The following FBXO9 variants were observed in gnomAD, a reference collection of about 807,000 sequenced individuals.
FBXO9 encodes F-box only protein 9.
Under a neutral mutation model 63.7 loss-of-function variants are expected in FBXO9, and 43 were observed. That is an observed-to-expected ratio of 0.67 (90% CI 0.53 to 0.87). The LOEUF is 0.87. Ranked by LOEUF, FBXO9 falls within the 40% of genes least tolerant of loss-of-function variation. The probability of loss-of-function intolerance (pLI) is 0.00; values close to 1 mark genes in which losing one functional copy is unlikely to be tolerated. For synonymous variants in FBXO9, 156 were observed against 171.7 expected (o/e 0.91, Z 0.72); for missense variants, 442 against 533.2 (o/e 0.83, Z 1.68).
intron 3 of FBXO9, among the ~76,000 whole-genome samples, chr6:53,075,166 C>A (rs9463862): frequency 6.6e-6 from 1 of 151,594 alleles, no homozygotes; most frequent in Non-Finnish European, 1.5e-5. Context: ...GACAGAGTCT[C>A]ACTTTGTCGC....
chr6:53,090,577 A>G (rs988939924), intron 7 of FBXO9, among the ~76,000 whole-genome samples: 1 of 152,272 alleles, frequency 6.6e-6, no homozygotes, highest in African/African-American at 2.4e-5. Flanking sequence ...TCATAAAAGT[A>G]ACTTTAAAAG....
intron 9 of FBXO9, chr6:53,093,164 T>G (rs1763095878): frequency 2.6e-6 from 1 of 391,524 alleles, no homozygotes; most frequent in Non-Finnish European, 4.5e-6. Context: ...TCTCACTTTG[T>G]TTGAAATTGT....
chr6:53,071,200 G>C, intron 2 of FBXO9, 57 bp downstream of exon 2: 1 of 1,467,964 alleles, frequency 6.8e-7, no homozygotes, highest in Non-Finnish European at 9.3e-7. Flanking sequence ...TACATATGCA[G>C]AAATTGATCA....
rs1768681422 is a variant in FBXO9, at chr6:53,065,963, G to A, written c.3+171G>A. 3.4e-6 allele frequency: 4 copies of A among 1,162,254 alleles called. No individual in the cohort carries two copies. In the African/African-American group the frequency reaches 4.8e-5, roughly 14 times the overall value. 72.0% of individuals were successfully genotyped at this position (1,162,254 alleles called of 1,614,324 possible). On this transcript the variant is annotated intron_variant, in intron 1 of 12. Transcript: ENST00000323557. ...GAGAAGGAGTGCGTCGGGGGGCGGG[G>A]GGTGCCAACCCTGGCTTCTCCCCAG...
chr6:53,089,868 A>C (rs1457244320), intron 7 of FBXO9, among the ~76,000 whole-genome samples: 2 of 152,238 alleles, frequency 1.3e-5, no homozygotes, highest in Non-Finnish European at 2.9e-5. Context: ...AGTACTGCAC[A>C]CTGGTTCCAA....
intron 5 of FBXO9, 63 bp downstream of exon 5, chr6:53,078,961 T>C (rs1769215565): frequency 8.5e-7 from 1 of 1,176,482 alleles, no homozygotes; most frequent in Non-Finnish European, 1.3e-6. Flanking sequence ...ATCTTTGCCC[T>C]GTTGACTCTT....
chr6:53,097,475 G>T (rs1185106031), intron 12 of FBXO9, among the ~76,000 whole-genome samples: 1 of 152,116 alleles, frequency 6.6e-6, no homozygotes, highest in Non-Finnish European at 1.5e-5. Context: ...GAATTACTAA[G>T]TTTGATCTCA....
chr6:53,092,401 T>G, intron 7 of FBXO9, 28 bp from the exon 8 acceptor site: 4 of 1,523,766 alleles, frequency 2.6e-6, no homozygotes, highest in Non-Finnish European at 3.6e-6. Flanking sequence ...GACTTAGTTT[T>G]TATTGACATT....
At chr6:53,094,355 A>G (rs1435878041) in intron 11 of FBXO9, among the ~76,000 whole-genome samples, 1 of 152,216 alleles carries the variant, frequency 6.6e-6, no homozygotes, top group Admixed American at 6.5e-5. Flanking sequence ...GGATATTGTT[A>G]GAACTTCAGT....
At chr6:53,081,604 A>G (rs1423826069) in intron 6 of FBXO9, among the ~76,000 whole-genome samples, 1 of 152,202 alleles carries the variant, frequency 6.6e-6, no homozygotes, top group African/African-American at 2.4e-5. Context: ...TCTGAAGCAG[A>G]ACAGTTTGTA....
At chr6:53,078,103 C>A (rs1455454993) in intron 4 of FBXO9, among the ~76,000 whole-genome samples, 2 of 152,090 alleles carry the variant, frequency 1.3e-5, no homozygotes, top group South Asian at 2.1e-4. Flanking sequence ...ATTCTTTATT[C>A]CACCCAGTAG....
intron 4 of FBXO9, among the ~76,000 whole-genome samples, chr6:53,078,146 A>G (rs1296626579): frequency 1.3e-5 from 2 of 152,240 alleles, no homozygotes; most frequent in African/African-American, 4.8e-5. Context: ...TCTGTGTCTT[A>G]GAAAAGTTTG....
intron 7 of FBXO9, among the ~76,000 whole-genome samples, chr6:53,085,921 G>A (rs1455369232): frequency 2.6e-5 from 4 of 151,994 alleles, no homozygotes; most frequent in Non-Finnish European, 4.4e-5. Context: ...AGGATGAGGC[G>A]GGTGGATTAC....
intron 12 of FBXO9, 79 bp from the exon 13 acceptor site, chr6:53,097,643 T>C: frequency 1.3e-6 from 1 of 773,822 alleles, no homozygotes; most frequent in Non-Finnish European, 2.1e-6. Flanking sequence ...AAGCATAGAA[T>C]AACCTTCCCC....
At position 53,097,894 on chromosome 6, in the gene FBXO9, TAA is replaced by T. The variant is rs775878268; in HGVS notation, c.*65_*66del. ...AAAGTATATAGCGCAAAAGAGCACC[TAA>T]GTTATAAATGTGTGTGTGTGCGTGT... On this transcript the variant is annotated 3_prime_UTR_variant, in exon 13 of 13. Coordinates refer to ENST00000323557, the MANE Select transcript of FBXO9 (RefSeq NM_033480.3). The T allele has an allele frequency of 1.8e-6, 1 of 546,788 alleles. No homozygotes were observed. The highest frequency in any genetic ancestry group is 2.1e-5 in the South Asian group (1 of 46,734). 33.9% of individuals were successfully genotyped at this position (546,788 alleles called of 1,614,324 possible).
intron 7 of FBXO9, among the ~76,000 whole-genome samples, chr6:53,085,202 C>A (rs1373081439): frequency 6.6e-6 from 1 of 152,138 alleles, no homozygotes; most frequent in African/African-American, 2.4e-5. Flanking sequence ...TCATTTACAT[C>A]AATTTTATGT....
chr6:53,068,407 A>G (rs1319960973), intron 1 of FBXO9, among the ~76,000 whole-genome samples: 2 of 152,200 alleles, frequency 1.3e-5, no homozygotes, highest in African/African-American at 4.8e-5. Context: ...TTAGGCTCCA[A>G]GTCACACACA....
chr6:53,066,053 A>G, intron 1 of FBXO9: 1 of 1,222,894 alleles, frequency 8.2e-7, no homozygotes, highest in Non-Finnish European at 1.0e-6. Context: ...GGTTTGCAGG[A>G]CAGCCGGGGA....
chr6:53,088,259 A>G (rs939392841), intron 7 of FBXO9, among the ~76,000 whole-genome samples: 2 of 152,196 alleles, frequency 1.3e-5, no homozygotes, highest in Non-Finnish European at 2.9e-5. Flanking sequence ...TTATCTCAAC[A>G]TGAATGGAAA....
Sources: gnomAD v4.1 joint callset for allele counts (sites outside exome capture counted in the v4.1 genomes callset) on GRCh38, gnomAD v4.1.1 for gene constraint, MANE v1.5 for transcripts, NCBI Gene and HGNC (gene_info 2026-07-23, HGNC 2026-07-21) for gene names.